Variants in NELL1 observed in about 807,000 individuals in gnomAD.
NELL1 encodes protein kinase C-binding protein NELL1.
A neutral mutation model predicts 107.4 loss-of-function variants in NELL1; 76 were observed. The ratio of observed to expected loss-of-function variants is 0.71; its 90% CI spans 0.59 to 0.86. The LOEUF (loss-of-function observed/expected upper bound fraction) is 0.86, where lower values mean the gene tolerates loss of function less well. NELL1 is among the 40% of genes least tolerant of loss of function. The pLI is 0.00. For missense variants in NELL1, 1,024 were observed against 1,005.5 expected (o/e 1.02, Z -0.25); for synonymous variants, 353 against 341.2 (o/e 1.03, Z -0.38).
chr11:21,477,283 G>T (rs1211822324), intron 15 of NELL1, among the ~76,000 whole-genome samples: 3 of 152,102 alleles, frequency 2.0e-5, no homozygotes, highest in African/African-American at 7.2e-5. Context: ...GTAAGATAGG[G>T]CACCAAGCAG....
chr11:21,198,355 C>T (rs898040479), intron 13 of NELL1, among the ~76,000 whole-genome samples: 3 of 152,150 alleles, frequency 2.0e-5, no homozygotes, highest in Non-Finnish European at 4.4e-5. Flanking sequence ...AAGGCCAGTC[C>T]AGATTCAAAC....
At chr11:21,400,090 G>GT in intron 15 of NELL1, among the ~76,000 whole-genome samples, 1 of 151,800 alleles carries the variant, frequency 6.6e-6, no homozygotes, top group South Asian at 2.1e-4. Context: ...TTTTAATTCT[G>GT]TTTTTCCCTT....
intron 15 of NELL1, among the ~76,000 whole-genome samples, chr11:21,437,523 C>A (rs1178369742): frequency 6.6e-6 from 1 of 152,066 alleles, no homozygotes; most frequent in Non-Finnish European, 1.5e-5. Context: ...CCACACCTGG[C>A]TAATTTTGTA....
At chr11:21,169,842 C>G in intron 13 of NELL1, 1 of 1,407,446 alleles carries the variant, frequency 7.1e-7, no homozygotes, top group East Asian at 2.3e-5. Context: ...AGTGCTTGCA[C>G]CCCAGAGTCC....
intron 11 of NELL1, among the ~76,000 whole-genome samples, chr11:20,953,926 A>AT (rs1177982371): frequency 1.3e-5 from 2 of 152,086 alleles, no homozygotes; most frequent in African/African-American, 4.8e-5. Flanking sequence ...TGTTTATGGT[A>AT]TTTTTTGCTG....
At chr11:21,009,726 C>T (rs1852405751) in intron 12 of NELL1, among the ~76,000 whole-genome samples, 1 of 152,072 alleles carries the variant, frequency 6.6e-6, no homozygotes, top group Non-Finnish European at 1.5e-5. Flanking sequence ...CAGTAATTTA[C>T]AGTAACTGTC....
At chr11:20,987,469 A>T (rs1353939833) in intron 12 of NELL1, among the ~76,000 whole-genome samples, 1 of 152,220 alleles carries the variant, frequency 6.6e-6, no homozygotes, top group Non-Finnish European at 1.5e-5. Context: ...GCCTCAGGAA[A>T]CTTACAATCA....
intron 15 of NELL1, among the ~76,000 whole-genome samples, chr11:21,495,163 A>G (rs1367922310): frequency 2.0e-5 from 3 of 152,142 alleles, no homozygotes; most frequent in African/African-American, 7.2e-5. Flanking sequence ...CACTCCGCGT[A>G]ATCCCTTTCC....
chr11:21,513,948 A>G (rs994811678), intron 15 of NELL1, among the ~76,000 whole-genome samples: 1 of 152,172 alleles, frequency 6.6e-6, no homozygotes, highest in Non-Finnish European at 1.5e-5. Flanking sequence ...GATTCCAGGC[A>G]TTGTGCCTAG....
intron 15 of NELL1, among the ~76,000 whole-genome samples, chr11:21,399,843 G>T (rs72961927): frequency 0.092 from 13,972 of 151,704 alleles, 834 homozygotes; most frequent in South Asian, 0.16. Context: ...GCTGATGGAA[G>T]ATAATGATGA....
intron 12 of NELL1, among the ~76,000 whole-genome samples, chr11:21,112,496 TAACTTCTG>T (rs1282912300): frequency 6.6e-6 from 1 of 151,976 alleles, no homozygotes; most frequent in East Asian, 1.9e-4. Flanking sequence ...TAATAGTAAA[TAACTTCTG>T]AATTCAAATC....
intron 14 of NELL1, among the ~76,000 whole-genome samples, chr11:21,309,285 TATA>T (rs1304224213): frequency 5.9e-5 from 4 of 68,112 alleles, no homozygotes; most frequent in African/African-American, 7.9e-5. Flanking sequence ...TATATGTATA[TATA>T]TATATATATA....
At chr11:21,086,513 G>T (rs1338932590) in intron 12 of NELL1, among the ~76,000 whole-genome samples, 1 of 152,060 alleles carries the variant, frequency 6.6e-6, no homozygotes, top group South Asian at 2.1e-4. Flanking sequence ...GTCTGATACC[G>T]GAATCTTCAC....
chr11:21,530,280 A>G (rs2133966396), intron 15 of NELL1, among the ~76,000 whole-genome samples: 1 of 152,266 alleles, frequency 6.6e-6, no homozygotes, highest in East Asian at 1.9e-4. Flanking sequence ...CCTCTTTGAA[A>G]ATAAGCTTTG....
rs998673963 is a variant in NELL1 at position 20,884,564 on chromosome 11, T to C, written c.507-880T>C. Among the ~76,000 whole-genome samples the C allele has an allele frequency of 3.3e-5, 5 of 152,144 alleles. No individual in the cohort carries two copies. The South Asian group carries it at 1.0e-3, about 32-fold the overall frequency. On this transcript the variant is annotated intron_variant, in intron 4 of 19. Transcript: ENST00000357134. The stretch of plus-strand genomic sequence containing the variant: ...GATCAGTGGGTGGTTGCAGGGACTA[T>C]TTCTAAAGAGGGCACGAATAAAAAG...
At chr11:21,361,349 G>A (rs1262149515) in intron 14 of NELL1, among the ~76,000 whole-genome samples, 3 of 146,810 alleles carry the variant, frequency 2.0e-5, no homozygotes, top group South Asian at 2.1e-4. Context: ...CTGCTGAGAC[G>A]TCTGCTATTA....
At chr11:21,033,471 A>G (rs1853011053) in intron 12 of NELL1, among the ~76,000 whole-genome samples, 1 of 152,150 alleles carries the variant, frequency 6.6e-6, no homozygotes, top group South Asian at 2.1e-4. Context: ...TTCACTTATA[A>G]ATGAAAACAT....
chr11:20,956,175 C>T (rs936860045), intron 11 of NELL1, among the ~76,000 whole-genome samples: 25 of 152,072 alleles, frequency 1.6e-4, no homozygotes, highest in African/African-American at 3.6e-4. Flanking sequence ...GCTGAGATCA[C>T]GCCACTGCAC....
At chr11:21,544,530 T>C (rs185896750) in intron 16 of NELL1, among the ~76,000 whole-genome samples, 1 of 152,064 alleles carries the variant, frequency 6.6e-6, no homozygotes, top group East Asian at 1.9e-4. Context: ...AGGTATTTTA[T>C]AGGTATAATA....
Sources: gnomAD v4.1 joint callset for allele counts (sites outside exome capture counted in the v4.1 genomes callset) on GRCh38, gnomAD v4.1.1 for gene constraint, MANE v1.5 for transcripts, NCBI Gene and HGNC (gene_info 2026-07-23, HGNC 2026-07-21) for gene names.